The following CFAP221 variants were observed in gnomAD, a reference collection of about 807,000 sequenced individuals.
CFAP221 encodes the protein cilia and flagella associated protein 221.
Under a neutral mutation model 113.1 loss-of-function variants are expected in CFAP221, and 97 were observed. The ratio of observed to expected loss-of-function variants is 0.86; its 90% CI spans 0.73 to 1.02. The LOEUF is 1.02. Among genes scored for constraint, CFAP221 ranks in the 50% least tolerant of loss-of-function variants. CFAP221 has a pLI of 0.00. For synonymous variants in CFAP221, 331 were observed against 354.4 expected, an observed-to-expected ratio of 0.93 and a Z score of 0.74; for missense variants, 1,025 against 1,013.4, an observed-to-expected ratio of 1.01 and a Z score of -0.16.
intron 22 of CFAP221, 22 bp from the exon 23 acceptor site, chr2:119,651,949 CACT>C (rs1688153607): frequency 6.5e-7 from 1 of 1,542,272 alleles, no homozygotes; most frequent in South Asian, 1.2e-5. Flanking sequence ...AAGCAGTGCC[CACT>C]AAACATCTTA....
At chr2:119,612,267 C>G (rs143371662) in intron 13 of CFAP221, among the ~76,000 whole-genome samples, 475 of 152,290 alleles carry the variant, frequency 3.1e-3, no homozygotes, top group Non-Finnish European at 5.2e-3. Flanking sequence ...CATTGTCACA[C>G]TGCTATGAAG....
At chr2:119,578,992 T>C (rs1255458915) in intron 6 of CFAP221, among the ~76,000 whole-genome samples, 1 of 152,176 alleles carries the variant, frequency 6.6e-6, no homozygotes, top group Non-Finnish European at 1.5e-5. Flanking sequence ...AAATTTTGCT[T>C]TCTTCTAATA....
chr2:119,601,505 C>T, intron 8 of CFAP221, 128 bp downstream of exon 8: 1 of 856,438 alleles, frequency 1.2e-6, no homozygotes, highest in Non-Finnish European at 1.7e-6. Context: ...GATGAGCCAA[C>T]ATAAGATATA....
intron 6 of CFAP221, among the ~76,000 whole-genome samples, chr2:119,581,486 A>C (rs917110192): frequency 7.9e-5 from 12 of 152,238 alleles, no homozygotes; most frequent in African/African-American, 2.9e-4. Context: ...GAAAAGATTA[A>C]TAGATTGGAA....
Position 119,620,575 on chromosome 2 carries a change from A to G in CFAP221, c.1410+4866A>G, listed in dbSNP as rs529742332. 4.3e-3 allele frequency among the ~76,000 whole-genome samples: 653 copies of G among 152,362 alleles called. 9 individuals are homozygous for G. The highest frequency in any genetic ancestry group is 5.2e-3 in the Non-Finnish European group (354 of 68,038). On this transcript the variant is annotated intron_variant, in intron 14 of 23. Transcript: ENST00000413369. ...TTGTCACCACCAGGCCAGCCTTACA[A>G]GAGCTCCTGAAGGAAGCAATAAATT...
intron 6 of CFAP221, among the ~76,000 whole-genome samples, chr2:119,569,973 G>C (rs1390680469): frequency 2.6e-5 from 4 of 152,140 alleles, no homozygotes; most frequent in African/African-American, 9.7e-5. Flanking sequence ...GATAATTTTA[G>C]CATTTCTGCC....
At chr2:119,578,781 A>AGCCAAATCCTATT (rs1682634302) in intron 6 of CFAP221, among the ~76,000 whole-genome samples, 1 of 152,236 alleles carries the variant, frequency 6.6e-6, no homozygotes, top group Non-Finnish European at 1.5e-5. Context: ...CCAGAAAAGA[A>AGCCAAATCCTATT]GCCAAATCCT....
chr2:119,632,957 AT>A (rs1389894912), intron 19 of CFAP221, among the ~76,000 whole-genome samples: 3 of 152,092 alleles, frequency 2.0e-5, no homozygotes, highest in African/African-American at 7.2e-5. Context: ...TACACTGAAA[AT>A]TATAAAACAT....
At chr2:119,591,920 C>T (rs1683625150) in intron 7 of CFAP221, among the ~76,000 whole-genome samples, 1 of 152,012 alleles carries the variant, frequency 6.6e-6, no homozygotes, top group African/African-American at 2.4e-5. Flanking sequence ...AGAGCCACTC[C>T]AGGTGTAAAG....
chr2:119,630,521 C>T (rs1686691162), intron 17 of CFAP221, 49 bp from the exon 18 acceptor site: 1 of 1,431,274 alleles, frequency 7.0e-7, no homozygotes, highest in African/African-American at 1.4e-5. Flanking sequence ...GTAGATCCCA[C>T]CAAATGGTAA....
chr2:119,639,448 C>T (rs1687340117), intron 20 of CFAP221, among the ~76,000 whole-genome samples: 1 of 152,208 alleles, frequency 6.6e-6, no homozygotes, highest in Non-Finnish European at 1.5e-5. Context: ...GAACTGCCAT[C>T]CTCTCCAAGT....
At chr2:119,581,793 G>A (rs1336607833) in intron 6 of CFAP221, among the ~76,000 whole-genome samples, 1 of 152,084 alleles carries the variant, frequency 6.6e-6, no homozygotes, top group African/African-American at 2.4e-5. Flanking sequence ...CAAGAATAAC[G>A]AGAAATCTTG....
intron 13 of CFAP221, among the ~76,000 whole-genome samples, chr2:119,614,173 T>G (rs557939711): frequency 6.6e-6 from 1 of 152,326 alleles, no homozygotes; most frequent in East Asian, 1.9e-4. Flanking sequence ...AGCCTGGACT[T>G]CATTGTCCAT....
intron 14 of CFAP221, among the ~76,000 whole-genome samples, chr2:119,620,498 A>G (rs977111296): frequency 2.6e-5 from 4 of 152,228 alleles, no homozygotes; most frequent in Non-Finnish European, 1.5e-5. Context: ...ACTAAGCTTC[A>G]TAAGTGAAGG....
chr2:119,552,273 A>T (rs892668696), intron 3 of CFAP221, among the ~76,000 whole-genome samples: 11 of 146,772 alleles, frequency 7.5e-5, no homozygotes, highest in Non-Finnish European at 1.6e-4. Flanking sequence ...ACACTTTACT[A>T]TTTATTTATT....
chr2:119,568,975 A>C (rs1455371500), intron 6 of CFAP221, among the ~76,000 whole-genome samples: 1 of 152,136 alleles, frequency 6.6e-6, no homozygotes, highest in Non-Finnish European at 1.5e-5. Context: ...CAGGGCACAG[A>C]ATTCTGAGTC....
At chr2:119,598,496 C>T (rs987850448) in intron 7 of CFAP221, among the ~76,000 whole-genome samples, 1 of 152,220 alleles carries the variant, frequency 6.6e-6, no homozygotes, top group Admixed American at 6.5e-5. Flanking sequence ...CTGCTCACCA[C>T]CCTCCATGTC....
chr2:119,551,191 C>T (rs911571809), intron 3 of CFAP221, among the ~76,000 whole-genome samples: 1 of 152,152 alleles, frequency 6.6e-6, no homozygotes, highest in Non-Finnish European at 1.5e-5. Context: ...TTGGGGCTAT[C>T]ATGAATGATG....
At chr2:119,559,540 A>G in intron 3 of CFAP221, 149 bp from the exon 4 acceptor site, 2 of 651,412 alleles carry the variant, frequency 3.1e-6, no homozygotes, top group Non-Finnish European at 2.6e-6. Context: ...TATTTTTTAA[A>G]TGGTGTATGA....
Sources: gnomAD v4.1 joint callset for allele counts (sites outside exome capture counted in the v4.1 genomes callset) on GRCh38, gnomAD v4.1.1 for gene constraint, MANE v1.5 for transcripts, NCBI Gene and HGNC (gene_info 2026-07-23, HGNC 2026-07-21) for gene names.